Variants in KLF7 observed in about 807,000 individuals in gnomAD.
KLF7 encodes Krueppel-like factor 7.
KLF7 carries 2 observed loss-of-function variants against 27.3 expected under a neutral mutation model. The ratio of observed to expected loss-of-function variants is 0.07; its 90% CI spans 0.03 to 0.23. The LOEUF (loss-of-function observed/expected upper bound fraction) is 0.23, where lower values mean the gene tolerates loss of function less well. KLF7 is among the 10% of genes least tolerant of loss of function. The pLI is 1.00. For synonymous variants in KLF7, 165 were observed against 162.4 expected, an observed-to-expected ratio of 1.02 and a Z score of -0.12; for missense variants, 221 against 394.1, an observed-to-expected ratio of 0.56 and a Z score of 3.72.
chr2:207,101,090 G>A (rs948768656), intron 2 of KLF7, among the ~76,000 whole-genome samples: 3 of 152,144 alleles, frequency 2.0e-5, no homozygotes, highest in Non-Finnish European at 2.9e-5. Flanking sequence ...CATTATCTCC[G>A]AAACACTTCA....
chr2:207,149,254 T>G, intron 1 of KLF7: 4 of 793,112 alleles, frequency 5.0e-6, no homozygotes, highest in Non-Finnish European at 7.4e-6. Flanking sequence ...CTCAGCGCTG[T>G]CACTCTCTCT....
chr2:207,121,721 C>G (rs2077345847), intron 2 of KLF7: 1 of 152,172 alleles, frequency 6.6e-6, no homozygotes, highest in Admixed American at 6.5e-5. Context: ...ATAATGAGCT[C>G]CACCTTGGTA....
At chr2:207,149,321 A>G in intron 1 of KLF7, 1 of 366,312 alleles carries the variant, frequency 2.7e-6, no homozygotes, top group Admixed American at 3.8e-5. Flanking sequence ...AGCACTTATC[A>G]CTGCTGAGGT....
upstream of KLF7, among the ~76,000 whole-genome samples, chr2:207,169,103 G>C (rs1300110056): frequency 6.6e-6 from 1 of 152,136 alleles, no homozygotes; most frequent in Non-Finnish European, 1.5e-5. Context: ...TCCAGTAAGT[G>C]GGTAAAAGCA....
chr2:207,094,457 T>C (rs2076580813), intron 2 of KLF7, among the ~76,000 whole-genome samples: 1 of 152,152 alleles, frequency 6.6e-6, no homozygotes, highest in Admixed American at 6.6e-5. Flanking sequence ...GATCAGGAAA[T>C]GGAAAAGAAA....
chr2:207,089,249 C>A (rs1181929477), intron 2 of KLF7, among the ~76,000 whole-genome samples: 1 of 152,194 alleles, frequency 6.6e-6, no homozygotes, highest in African/African-American at 2.4e-5. Flanking sequence ...AAGCTCATAG[C>A]TTAACAACTG....
chr2:207,109,998 T>C (rs2076984207), intron 2 of KLF7: 1 of 154,842 alleles, frequency 6.5e-6, no homozygotes, highest in Non-Finnish European at 1.5e-5. Context: ...TCAGCAGTAT[T>C]ATCTCCAAAC....
chr2:207,150,657 C>T (rs1039238470), intron 1 of KLF7, among the ~76,000 whole-genome samples: 7 of 152,180 alleles, frequency 4.6e-5, no homozygotes, highest in African/African-American at 1.7e-4. Flanking sequence ...TTGTTTTATA[C>T]TGATAAAGTC....
At chr2:207,166,023 C>A (rs559890175), upstream of KLF7, 77 of 601,948 alleles carry the variant, frequency 1.3e-4, no homozygotes, top group Admixed American at 3.0e-4. Context: ...CTCTTCCCCC[C>A]CCTTCCCTTC....
chr2:207,150,201 G>T (rs1016302713), intron 1 of KLF7, among the ~76,000 whole-genome samples: 2 of 152,120 alleles, frequency 1.3e-5, no homozygotes, highest in African/African-American at 4.8e-5. Flanking sequence ...AAACTAAAGA[G>T]AAGCATATTA....
At chr2:207,166,975 C>G (rs1222529824), upstream of KLF7, 1 of 759,390 alleles carries the variant, frequency 1.3e-6, no homozygotes, top group Non-Finnish European at 1.7e-6. Context: ...GCGCCTCCTT[C>G]TGACCCCGAG....
intron 2 of KLF7, among the ~76,000 whole-genome samples, chr2:207,108,653 T>A (rs569699913): frequency 5.3e-5 from 8 of 152,372 alleles, no homozygotes; most frequent in African/African-American, 1.9e-4. Context: ...CTTCACTGTG[T>A]GCTTTTCTGA....
chr2:207,118,320 C>T (rs1200095183), intron 2 of KLF7, among the ~76,000 whole-genome samples: 4 of 152,004 alleles, frequency 2.6e-5, no homozygotes, highest in Non-Finnish European at 2.9e-5. Flanking sequence ...TTATCAGTAA[C>T]GATAATAGGC....
intron 1 of KLF7, among the ~76,000 whole-genome samples, chr2:207,153,181 TAAAC>T (rs956572141): frequency 1.3e-5 from 2 of 152,132 alleles, no homozygotes; most frequent in Non-Finnish European, 2.9e-5. Context: ...GAGATGATGT[TAAAC>T]AACAGCAAAA....
At chr2:207,167,068 G>A (rs576677290), upstream of KLF7, 251 of 1,308,446 alleles carry the variant, frequency 1.9e-4, 1 homozygote, top group African/African-American at 3.6e-3. Flanking sequence ...AGGCTAGAGG[G>A]AGCCTAGGTA....
upstream of KLF7, among the ~76,000 whole-genome samples, chr2:207,168,143 A>C (rs143491709): frequency 4.2e-4 from 64 of 152,306 alleles, no homozygotes; most frequent in East Asian, 0.012. Flanking sequence ...TGGGTATAGA[A>C]AACTAGAGGC....
chr2:207,114,689 T>C (rs994539961), intron 2 of KLF7, among the ~76,000 whole-genome samples: 13 of 152,168 alleles, frequency 8.5e-5, no homozygotes, highest in Admixed American at 5.2e-4. Flanking sequence ...ATAGTCCTTA[T>C]TACAAAACAT....
intron 1 of KLF7, among the ~76,000 whole-genome samples, chr2:207,146,079 C>T (rs2078088813): frequency 6.6e-6 from 1 of 152,182 alleles, no homozygotes. Context: ...CAGCAAGGGC[C>T]AGTCAACTGC....
chr2:207,108,670 A>G (rs990171993), intron 2 of KLF7, among the ~76,000 whole-genome samples: 3 of 152,222 alleles, frequency 2.0e-5, no homozygotes, highest in African/African-American at 7.2e-5. Flanking sequence ...CTGAATTCAG[A>G]GGAGAGACTG....
Sources: gnomAD v4.1 joint callset for allele counts (sites outside exome capture counted in the v4.1 genomes callset) on GRCh38, gnomAD v4.1.1 for gene constraint, MANE v1.5 for transcripts, NCBI Gene and HGNC (gene_info 2026-07-23, HGNC 2026-07-21) for gene names.